The following TLK1 variants were observed in gnomAD, a reference collection of about 807,000 sequenced individuals.
The protein encoded by TLK1 is tousled like kinase 1.
A neutral mutation model predicts 105.3 loss-of-function variants in TLK1; 24 were observed. The ratio of observed to expected loss-of-function variants is 0.23; its 90% CI spans 0.17 to 0.32. The LOEUF (loss-of-function observed/expected upper bound fraction) is 0.32. TLK1 is among the 10% of genes least tolerant of loss of function. The pLI, the probability that TLK1 is intolerant of heterozygous loss-of-function variation, is 1.00. For missense variants in TLK1, 558 were observed against 910.5 expected (o/e 0.61, Z 4.98); for synonymous variants, 321 against 310.4 (o/e 1.03, Z -0.36).
intron 10 of TLK1, among the ~76,000 whole-genome samples, chr2:171,047,102 AAAAT>A (rs1245922927): frequency 7.2e-5 from 11 of 152,186 alleles, no homozygotes; most frequent in African/African-American, 2.7e-4. Context: ...GAAAGTAACA[AAAAT>A]AAAATCAATG....
In TLK1 at chr2:171,050,032, G is replaced by A. The variant is rs1364125137; in HGVS notation, c.843+32C>T. On this transcript the variant is annotated intron_variant, in intron 9 of 20. Coordinates refer to ENST00000431350, the MANE Select transcript of TLK1 (RefSeq NM_012290.5). ...ACAAAGCAAAAGGGGCTAATGAAGG[G>A]AAAGCGAAAATTTACTCAACTTTTA... The A allele has an allele frequency of 3.1e-6, 5 of 1,606,576 alleles. No homozygotes were observed. The Admixed American group carries it at 8.5e-5, about 27-fold the overall frequency.
intron 10 of TLK1, 145 bp downstream of exon 10, chr2:171,049,669 G>T: frequency 1.1e-6 from 1 of 897,346 alleles, no homozygotes; most frequent in Non-Finnish European, 1.6e-6. Context: ...TAATACTCTT[G>T]GTTTCATATC....
At chr2:171,210,563 A>G (rs1693594761) in intron 1 of TLK1, among the ~76,000 whole-genome samples, 1 of 152,246 alleles carries the variant, frequency 6.6e-6, no homozygotes, top group South Asian at 2.1e-4. Context: ...CAATTAATAC[A>G]TCCAATGGGC....
chr2:171,185,478 T>C (rs1406107499), intron 1 of TLK1, among the ~76,000 whole-genome samples: 1 of 152,186 alleles, frequency 6.6e-6, no homozygotes, highest in Non-Finnish European at 1.5e-5. Flanking sequence ...TCCTACTAGA[T>C]ACCATCTGCT....
At chr2:171,159,630 G>A (rs1348607208) in intron 1 of TLK1, 1 of 152,326 alleles carries the variant, frequency 6.6e-6, no homozygotes, top group East Asian at 1.9e-4. Flanking sequence ...GGAAGCAACG[G>A]CGAAGGAGAG....
At chr2:171,140,404 G>T (rs916389251) in intron 1 of TLK1, among the ~76,000 whole-genome samples, 1 of 151,566 alleles carries the variant, frequency 6.6e-6, no homozygotes, top group African/African-American at 2.4e-5. Context: ...AAGTGAGTCT[G>T]GTATACCAGG....
At chr2:171,214,273 A>G (rs182220924) in intron 1 of TLK1, among the ~76,000 whole-genome samples, 74 of 152,242 alleles carry the variant, frequency 4.9e-4, no homozygotes, top group African/African-American at 1.7e-3. Context: ...GCCTCTTAGT[A>G]TCCATACGGC....
chr2:171,196,097 A>AAGG (rs951361787), intron 1 of TLK1, among the ~76,000 whole-genome samples: 6 of 146,746 alleles, frequency 4.1e-5, no homozygotes, highest in African/African-American at 1.5e-4. Flanking sequence ...GGAAGGAAGG[A>AAGG]AGGAAGGGAG....
intron 2 of TLK1, among the ~76,000 whole-genome samples, chr2:171,114,257 T>C (rs1214787576): frequency 1.3e-5 from 2 of 152,148 alleles, no homozygotes; most frequent in South Asian, 2.1e-4. Context: ...TCCCCAATGA[T>C]ACACACACCC....
At position 171,160,040 on chromosome 2, in the gene TLK1, G is replaced by C. The variant is rs1261115964; in HGVS notation, c.139+250C>G. ...CCAGGAACCCCAGGCGAGTCTATGC[G>C]CCTCGCCCCGTCCCCACCAGCGCGC... On this transcript the variant is annotated intron_variant, in intron 1 of 20. Transcript: ENST00000431350. This position sits in a 1 kb window ranked among gnomAD's most constrained non-coding sequence, Gnocchi z 4.4. Among the ~76,000 whole-genome samples, 1 of 152,230 alleles carries C rather than the reference G, an allele frequency of 6.6e-6. No homozygotes were observed. Among genetic ancestry groups the C allele is most frequent in the Admixed American group, 6.5e-5 (1 of 15,302 alleles).
chr2:171,149,409 A>T (rs1330266826), intron 1 of TLK1, among the ~76,000 whole-genome samples: 1 of 152,176 alleles, frequency 6.6e-6, no homozygotes. Flanking sequence ...GTAACTTAGT[A>T]TAATTAAGTG....
At chr2:171,092,306 T>TAAAGAAG (rs963880670) in intron 2 of TLK1, among the ~76,000 whole-genome samples, 1 of 152,224 alleles carries the variant, frequency 6.6e-6, no homozygotes, top group Non-Finnish European at 1.5e-5. Context: ...TCAAATGTCT[T>TAAAGAAG]AAAGAAGACT....
At chr2:171,197,743 C>T in intron 1 of TLK1, among the ~76,000 whole-genome samples, 1 of 152,062 alleles carries the variant, frequency 6.6e-6, no homozygotes, top group East Asian at 1.9e-4. Flanking sequence ...CATACCACTG[C>T]ACTCCAGCTG....
intron 1 of TLK1, among the ~76,000 whole-genome samples, chr2:171,119,470 C>A (rs1690564732): frequency 1.3e-5 from 2 of 152,202 alleles, no homozygotes; most frequent in South Asian, 2.1e-4. Flanking sequence ...CTATTATATG[C>A]CAGGTCTGCC....
At chr2:171,175,677 A>C (rs1692807855) in intron 1 of TLK1, among the ~76,000 whole-genome samples, 1 of 152,002 alleles carries the variant, frequency 6.6e-6, no homozygotes, top group Non-Finnish European at 1.5e-5. Flanking sequence ...CTCAGTCTTT[A>C]TCTAACTAGC....
chr2:171,040,233 T>C (rs1159187174), intron 11 of TLK1, among the ~76,000 whole-genome samples: 1 of 152,164 alleles, frequency 6.6e-6, no homozygotes, highest in African/African-American at 2.4e-5. Flanking sequence ...AATTCTCCAA[T>C]GAAAGGAAGA....
chr2:171,006,056 G>T, intron 18 of TLK1, 91 bp downstream of exon 18: 2 of 1,285,782 alleles, frequency 1.6e-6, no homozygotes. Context: ...AATCTTAATG[G>T]CTACATGGAA....
At chr2:171,040,381 G>A (rs887023138) in intron 11 of TLK1, among the ~76,000 whole-genome samples, 1 of 152,168 alleles carries the variant, frequency 6.6e-6, no homozygotes, top group African/African-American at 2.4e-5. Context: ...CCACTGTGGT[G>A]TGGGATGTTG....
chr2:171,092,791 C>T (rs1689291855), intron 2 of TLK1, among the ~76,000 whole-genome samples: 1 of 152,014 alleles, frequency 6.6e-6, no homozygotes, highest in African/African-American at 2.4e-5. Context: ...CTAAATGGAA[C>T]CTTACACATG....
Sources: allele counts gnomAD v4.1 joint callset (sites outside exome capture counted in the v4.1 genomes callset), GRCh38; gene constraint gnomAD v4.1.1; non-coding constraint Gnocchi (gnomAD v3.1); transcripts MANE v1.5; gene names NCBI Gene and HGNC (gene_info 2026-07-23, HGNC 2026-07-21).